Variants in USP34 observed in about 807,000 individuals in gnomAD.
The protein encoded by USP34 is ubiquitin specific peptidase 34.
Under a neutral mutation model 460.3 loss-of-function variants are expected in USP34, and 70 were observed. The ratio of observed to expected loss-of-function variants is 0.15; its 90% CI spans 0.13 to 0.19. The LOEUF (loss-of-function observed/expected upper bound fraction) is 0.19, where lower values mean the gene tolerates loss of function less well. Ranked by LOEUF, USP34 falls within the 10% of genes least tolerant of loss-of-function variation. The pLI, the probability that USP34 is intolerant of heterozygous loss-of-function variation, is 1.00. For synonymous variants in USP34, 1,647 were observed against 1,405.3 expected (o/e 1.17, Z -3.85); for missense variants, 3,985 against 4,236.2 (o/e 0.94, Z 1.65).
chr2:61,435,743 C>T (rs1558592935), intron 1 of USP34, among the ~76,000 whole-genome samples: 1 of 152,136 alleles, frequency 6.6e-6, no homozygotes, highest in Non-Finnish European at 1.5e-5. Flanking sequence ...AAAAGTTATA[C>T]ACTGGCCATG....
intron 20 of USP34, among the ~76,000 whole-genome samples, chr2:61,329,898 A>G (rs1186055205): frequency 6.6e-6 from 1 of 152,206 alleles, no homozygotes; most frequent in African/African-American, 2.4e-5. Flanking sequence ...ATGATTCTCA[A>G]GCCCATGGGC....
chr2:61,248,837 C>T (rs1688492790), intron 48 of USP34, among the ~76,000 whole-genome samples, 154 bp from the exon 49 acceptor site: 1 of 152,158 alleles, frequency 6.6e-6, no homozygotes, highest in Non-Finnish European at 1.5e-5. Context: ...TGAGAACACC[C>T]CGTGTCTGCC....
chr2:61,187,502 T>C lies in USP34; in HGVS notation c.*600A>G, dbSNP rs1490792526. 6.8e-6 allele frequency: 6 copies of C among 888,740 alleles called. No homozygotes were observed. Among genetic ancestry groups the C allele is most frequent in the Admixed American group, 2.9e-4 (2 of 6,850 alleles). The allele number at this position is 888,740 out of a possible 1,614,324, so 55.1% of individuals were successfully genotyped here. ...AATCAGTTTAATTAAGTGCACAGAA[T>C]AGCAATCAATCAATCAGTCATGTCA... On this transcript the variant is annotated 3_prime_UTR_variant, in exon 80 of 80. Coordinates refer to ENST00000398571, the MANE Select transcript of USP34 (RefSeq NM_014709.4).
intron 10 of USP34, among the ~76,000 whole-genome samples, chr2:61,367,275 A>G (rs1386804843): frequency 6.6e-6 from 1 of 152,226 alleles, no homozygotes; most frequent in Non-Finnish European, 1.5e-5. Flanking sequence ...TTATAAGGCA[A>G]TAATTTAAAT....
chr2:61,388,147 G>A (rs907922863), intron 5 of USP34, among the ~76,000 whole-genome samples: 29 of 152,078 alleles, frequency 1.9e-4, no homozygotes, highest in Non-Finnish European at 5.9e-5. Context: ...AGAGGCTGAG[G>A]TGGGAAGATC....
chr2:61,335,062 A>T (rs1375546968), intron 18 of USP34, among the ~76,000 whole-genome samples: 2 of 152,224 alleles, frequency 1.3e-5, no homozygotes, highest in Non-Finnish European at 2.9e-5. Context: ...ATTAAAACTG[A>T]TAAAATTTGT....
chr2:61,216,321 C>G (rs144218233), intron 67 of USP34, among the ~76,000 whole-genome samples: 2,452 of 152,300 alleles, frequency 0.016, 36 homozygotes, highest in Non-Finnish European at 0.026. Context: ...CATTTGGCGG[C>G]TGGGTGCGGT....
At chr2:61,458,913 A>G (rs759261245) in intron 1 of USP34, among the ~76,000 whole-genome samples, 12 of 152,078 alleles carry the variant, frequency 7.9e-5, no homozygotes, top group Non-Finnish European at 1.5e-4. Context: ...TAAATTTACA[A>G]AAATGAGCCG....
Position 61,301,084 on chromosome 2 carries a change from G to C in USP34, c.3995C>G (p.Pro1332Arg). ...TGGAATGTTGTCCTTCTGAGGGGGT[G>C]GGAGGCAAGATGCTGGCAGCTGAAC... ...EGVQLPASCL[P>R]PPQKDNIPML... is the part of the protein sequence containing the mutation. Residue 1332 changes from proline to arginine, a missense_variant, in exon 29 of 80, where the codon CCA becomes CGA. By Grantham distance (103) the Pro-to-Arg change is moderately radical. Around this residue, in one of 14 missense-constraint regions of USP34, gnomAD observed 1,114 missense variants for 1,122.5 expected, o/e 0.99. Transcript: ENST00000398571. 1 of 1,614,046 alleles carries C rather than the reference G, an allele frequency of 6.2e-7. No homozygotes were observed. The highest frequency in any genetic ancestry group is 8.5e-7 in the Non-Finnish European group (1 of 1,180,008).
chr2:61,279,470 T>C (rs1254942620), intron 39 of USP34, among the ~76,000 whole-genome samples: 1 of 152,126 alleles, frequency 6.6e-6, no homozygotes, highest in East Asian at 1.9e-4. Flanking sequence ...GCTTTGAAAT[T>C]TACTTTTTTT....
chr2:61,284,959 T>C lies in USP34; in HGVS notation c.4750-2A>G. 1 of 1,605,190 alleles carries C rather than the reference T, an allele frequency of 6.2e-7. No homozygotes were observed. On this transcript the variant is annotated splice_acceptor_variant, in intron 34 of 79. Coordinates refer to ENST00000398571, the MANE Select transcript of USP34 (RefSeq NM_014709.4). LOFTEE classifies it high-confidence loss of function. ...TCCTTGGACAAGAACAAGAAATACC[T>C]TTAAAACAAAAACATTTTAAAAGAT... is the stretch of plus-strand genomic sequence containing the variant.
At position 61,288,810 on chromosome 2, in the gene USP34, A is replaced by G. The variant is rs1211833681; in HGVS notation, c.4616T>C (p.Leu1539Ser). The G allele has an allele frequency of 1.2e-6, 2 of 1,613,940 alleles. No individual in the cohort carries two copies. Among genetic ancestry groups the G allele is most frequent in the Non-Finnish European group, 1.7e-6 (2 of 1,179,970 alleles). The change falls in exon 34 of 80, where the codon TTG becomes TCG. Residue 1539 changes from leucine to serine, a missense_variant. Physicochemically the swap from Leu to Ser is moderately radical, Grantham distance 145 (BLOSUM62 -2). Transcript: ENST00000398571. ...ICQFAVDPSD[L>S]DLAYHDVFAW... ...AAAGACATCATGATAAGCTAAATCCAAATCGGATGGATCTACTGCAAACTG... is the reference window on the plus strand; with the variant it reads ...AAAGACATCATGATAAGCTAAATCCGAATCGGATGGATCTACTGCAAACTG...
intron 78 of USP34, 169 bp downstream of exon 78, chr2:61,190,102 T>C (rs2103731706): frequency 1.3e-6 from 1 of 762,854 alleles, no homozygotes; most frequent in East Asian, 2.7e-5. Flanking sequence ...GTGTGCTGTG[T>C]ACATACAAGG....
At chr2:61,449,959 G>A (rs935800325) in intron 1 of USP34, among the ~76,000 whole-genome samples, 5 of 152,228 alleles carry the variant, frequency 3.3e-5, no homozygotes, top group African/African-American at 2.4e-5. Context: ...CCAGCTACTC[G>A]GGAGGCTGAG....
chr2:61,304,824 GCTTT>G (rs1379791332), intron 27 of USP34, among the ~76,000 whole-genome samples: 1 of 152,136 alleles, frequency 6.6e-6, no homozygotes, highest in East Asian at 1.9e-4. Flanking sequence ...ACATTGAGCT[GCTTT>G]CTATCTTTTA....
At chr2:61,267,632 G>A (rs575387637) in intron 41 of USP34, among the ~76,000 whole-genome samples, 1 of 151,518 alleles carries the variant, frequency 6.6e-6, no homozygotes, top group Non-Finnish European at 1.5e-5. Flanking sequence ...TTGTTTGTTT[G>A]AGACAGAGTC....
rs772386775 is a variant in USP34 at position 61,278,289 on chromosome 2, C to CA, written c.5313-5dup. 3 of 1,609,204 alleles carry CA rather than the reference C, an allele frequency of 1.9e-6. No homozygotes were observed. The highest frequency in any genetic ancestry group is 3.4e-5 in the Admixed American group (2 of 58,872). On this transcript the variant is annotated splice_region_variant and splice_polypyrimidine_tract_variant and intron_variant, in intron 40 of 79. Coordinates refer to ENST00000398571, the MANE Select transcript of USP34 (RefSeq NM_014709.4). ...CTGATGATCAAGGATCTCCCTACTA[C>CA]AAAAAAGAAAAAAAATACACACAAG... is the stretch of plus-strand genomic sequence containing the variant.
chr2:61,415,039 T>C (rs1448513863), intron 2 of USP34, among the ~76,000 whole-genome samples: 2 of 152,070 alleles, frequency 1.3e-5, no homozygotes, highest in South Asian at 2.1e-4. Context: ...TGTGGGGAGG[T>C]TGCAAAGCGG....
chr2:61,309,186 T>C (rs2103665646), intron 27 of USP34, among the ~76,000 whole-genome samples: 1 of 152,340 alleles, frequency 6.6e-6, no homozygotes, highest in Admixed American at 6.5e-5. Context: ...TAGAATTCTT[T>C]ACCCAGCTAA....
Sources: allele counts gnomAD v4.1 joint callset (sites outside exome capture counted in the v4.1 genomes callset), GRCh38; gene constraint gnomAD v4.1.1; regional missense constraint gnomAD v4.1.1; transcripts MANE v1.5; gene names NCBI Gene and HGNC (gene_info 2026-07-23, HGNC 2026-07-21).